Variants in QTMAN observed in about 807,000 individuals in gnomAD.
QTMAN encodes tRNA-queuosine alpha-mannosyltransferase.
At chr2:144,318,921 C>A in the QTMAN span, among the ~76,000 whole-genome samples, 1 of 152,120 alleles carries the variant, frequency 6.6e-6, no homozygotes, top group Non-Finnish European at 1.5e-5. Context: ...TTCAAATACT[C>A]TATTACTGGT....
the QTMAN span, among the ~76,000 whole-genome samples, chr2:144,013,892 G>T: frequency 6.6e-6 from 1 of 152,074 alleles, no homozygotes; most frequent in African/African-American, 2.4e-5. Context: ...AAAAAATCAT[G>T]CTACCCTACA....
chr2:144,297,237 CAAG>C, the QTMAN span, among the ~76,000 whole-genome samples: 4 of 152,266 alleles, frequency 2.6e-5, no homozygotes, highest in East Asian at 7.7e-4. Flanking sequence ...ATTTTACCTA[CAAG>C]AAATCTATTC....
At chr2:144,027,131 C>A in the QTMAN span, among the ~76,000 whole-genome samples, 1 of 152,156 alleles carries the variant, frequency 6.6e-6, no homozygotes, top group South Asian at 2.1e-4. Context: ...TGGTTCTCCT[C>A]CAATGGAGGC....
chr2:144,059,787 CAT>C, the QTMAN span, among the ~76,000 whole-genome samples: 11 of 152,116 alleles, frequency 7.2e-5, no homozygotes, highest in Non-Finnish European at 1.6e-4. Flanking sequence ...GAATGTGCCA[CAT>C]GTTACTTCTG....
At chr2:144,198,489 A>C in the QTMAN span, among the ~76,000 whole-genome samples, 19 of 152,334 alleles carry the variant, frequency 1.2e-4, no homozygotes, top group South Asian at 3.1e-3. Context: ...AAGCTGGTGG[A>C]ATATAAGCTT....
At chr2:144,239,891 C>T in the QTMAN span, among the ~76,000 whole-genome samples, 1 of 152,194 alleles carries the variant, frequency 6.6e-6, no homozygotes, top group Non-Finnish European at 1.5e-5. Flanking sequence ...AGCCTCTGGG[C>T]ATATTTCCTA....
the QTMAN span, among the ~76,000 whole-genome samples, chr2:144,271,919 C>G: frequency 6.6e-6 from 1 of 152,150 alleles, no homozygotes; most frequent in Non-Finnish European, 1.5e-5. Flanking sequence ...AATGAAGCTC[C>G]TACATACTCC....
At chr2:144,260,123 T>C in the QTMAN span, among the ~76,000 whole-genome samples, 2 of 152,186 alleles carry the variant, frequency 1.3e-5, no homozygotes, top group African/African-American at 4.8e-5. Context: ...TTTTTCATAA[T>C]TGTTTTTTTC....
the QTMAN span, among the ~76,000 whole-genome samples, chr2:143,955,796 T>C: frequency 6.6e-6 from 1 of 152,202 alleles, no homozygotes; most frequent in Non-Finnish European, 1.5e-5. Context: ...TAACTGCAGA[T>C]AAAAACCTAA....
At chr2:144,280,613 A>C in the QTMAN span, among the ~76,000 whole-genome samples, 5 of 152,306 alleles carry the variant, frequency 3.3e-5, no homozygotes, top group Admixed American at 6.5e-5. Flanking sequence ...GAACTTATAC[A>C]GAAAAGAAGA....
At chr2:144,268,039 T>C in the QTMAN span, among the ~76,000 whole-genome samples, 1 of 152,160 alleles carries the variant, frequency 6.6e-6, no homozygotes, top group South Asian at 2.1e-4. Context: ...TTGGTAGTAT[T>C]GGAGGTGTTG....
chr2:144,130,171 T>G, the QTMAN span, among the ~76,000 whole-genome samples: 1 of 151,734 alleles, frequency 6.6e-6, no homozygotes, highest in Admixed American at 6.6e-5. Context: ...AAAGCCTATC[T>G]TTTCTAATCA....
At chr2:144,158,337 A>G in the QTMAN span, among the ~76,000 whole-genome samples, 2 of 151,988 alleles carry the variant, frequency 1.3e-5, no homozygotes, top group Admixed American at 6.6e-5. Flanking sequence ...GTGTCAAAGT[A>G]CCCAAAATGA....
the QTMAN span, among the ~76,000 whole-genome samples, chr2:144,048,599 A>T: frequency 1.5e-4 from 23 of 152,318 alleles, no homozygotes; most frequent in East Asian, 3.5e-3. Context: ...TATATCATGG[A>T]TAACATCATG....
At chr2:144,276,465 C>T in the QTMAN span, among the ~76,000 whole-genome samples, 12 of 152,120 alleles carry the variant, frequency 7.9e-5, no homozygotes, top group African/African-American at 2.9e-4. Flanking sequence ...GCTAGGATTA[C>T]AGGCATGAGC....
At chr2:144,190,195 A>G in the QTMAN span, among the ~76,000 whole-genome samples, 1 of 152,212 alleles carries the variant, frequency 6.6e-6, no homozygotes, top group East Asian at 1.9e-4. Context: ...TGATAAATCA[A>G]GATTGGCTAT....
the QTMAN span, among the ~76,000 whole-genome samples, chr2:144,137,747 G>A: frequency 1.1e-4 from 16 of 152,112 alleles, no homozygotes; most frequent in East Asian, 2.5e-3. Context: ...GTACATGCGC[G>A]TCAGAGACAG....
the QTMAN span, among the ~76,000 whole-genome samples, chr2:144,210,563 C>G: frequency 6.6e-6 from 1 of 151,922 alleles, no homozygotes; most frequent in East Asian, 1.9e-4. Context: ...ATTTGAGAGC[C>G]CTGCAGGTTT....
At chr2:144,159,043 T>A in the QTMAN span, among the ~76,000 whole-genome samples, 1 of 152,050 alleles carries the variant, frequency 6.6e-6, no homozygotes. Flanking sequence ...TTGGTTGATT[T>A]GCAATAATAC....
Sources: allele counts gnomAD v4.1 joint callset (sites outside exome capture counted in the v4.1 genomes callset), GRCh38; gene constraint gnomAD v4.1.1; transcripts MANE v1.5; gene names NCBI Gene and HGNC (gene_info 2026-07-23, HGNC 2026-07-21).